ALDH1L1: variants seen among roughly 807,000 people sequenced by gnomAD.
ALDH1L1 encodes aldehyde dehydrogenase 1 family member L1.
ALDH1L1 carries 68 observed loss-of-function variants against 101.1 expected under a neutral mutation model. The ratio of observed to expected loss-of-function variants is 0.67; its 90% CI spans 0.55 to 0.82. The LOEUF (loss-of-function observed/expected upper bound fraction) is 0.82, where lower values mean the gene tolerates loss of function less well. Ranked by LOEUF, ALDH1L1 falls within the 40% of genes least tolerant of loss-of-function variation. The probability of loss-of-function intolerance (pLI) is 0.00; values close to 1 mark genes in which losing one functional copy is unlikely to be tolerated. For missense variants in ALDH1L1, 1,087 were observed against 1,172.7 expected (o/e 0.93, Z 1.07); for synonymous variants, 486 against 470.8 (o/e 1.03, Z -0.42).
At position 126,103,783 on chromosome 3, in the gene ALDH1L1, A is replaced by G; in HGVS notation, c.*8T>C. The G allele has an allele frequency of 6.2e-7, 1 of 1,612,992 alleles. No homozygotes were observed. The highest frequency in any genetic ancestry group is 8.5e-7 in the Non-Finnish European group (1 of 1,179,572). ...GGGCAGGGACTTTCTTCTCACAAAG[A>G]CCTTTCTTCAGTATTCGAAGGTCAC... On this transcript the variant is annotated 3_prime_UTR_variant, in exon 23 of 23. Transcript: ENST00000393434.
At chr3:126,111,795 A>G (rs1418210693) in intron 19 of ALDH1L1, among the ~76,000 whole-genome samples, 4 of 151,984 alleles carry the variant, frequency 2.6e-5, no homozygotes, top group South Asian at 2.1e-4. Flanking sequence ...GCCACTATCC[A>G]CTGGGATTAG....
At chr3:126,186,651 C>T (rs560935532) in intron 1 of ALDH1L1, among the ~76,000 whole-genome samples, 3 of 150,604 alleles carry the variant, frequency 2.0e-5, no homozygotes, top group Admixed American at 6.6e-5. Flanking sequence ...TCCCTCACCT[C>T]ATGTCCTTCC....
intron 1 of ALDH1L1, among the ~76,000 whole-genome samples, chr3:126,186,919 G>C (rs2081522409): frequency 6.6e-6 from 1 of 152,204 alleles, no homozygotes; most frequent in African/African-American, 2.4e-5. Flanking sequence ...CTGGAGATCA[G>C]CAGTAGCACC....
intron 1 of ALDH1L1, among the ~76,000 whole-genome samples, chr3:126,168,401 T>C (rs1466586562): frequency 6.6e-6 from 1 of 152,100 alleles, no homozygotes; most frequent in Non-Finnish European, 1.5e-5. Flanking sequence ...TCATTAAAAT[T>C]AAAGTTAACA....
intron 13 of ALDH1L1, among the ~76,000 whole-genome samples, chr3:126,130,928 A>G (rs2108235305): frequency 6.6e-6 from 1 of 152,360 alleles, no homozygotes; most frequent in South Asian, 2.1e-4. Context: ...CCATGAGCCC[A>G]GAATAACTGC....
At position 126,125,738 on chromosome 3, in the gene ALDH1L1, G is replaced by A; in HGVS notation, c.1695-17C>T. 6.6e-7 allele frequency: 1 copy of A among 1,506,716 alleles called. No homozygotes were observed. Among genetic ancestry groups the A allele is most frequent in the Non-Finnish European group, 8.9e-7 (1 of 1,118,168 alleles). The allele number at this position is 1,506,716 out of a possible 1,614,324, so 93.3% of individuals were successfully genotyped here. ...CCACAAACCCTGCCACACAAAAGAG[G>A]TTGGCCTTTGTCCTTCTTCTCCACC... is the stretch of plus-strand genomic sequence containing the variant. On this transcript the variant is annotated splice_polypyrimidine_tract_variant and intron_variant, in intron 14 of 22. Coordinates refer to ENST00000393434, the MANE Select transcript of ALDH1L1 (RefSeq NM_012190.4).
upstream of ALDH1L1, among the ~76,000 whole-genome samples, chr3:126,185,350 G>T (rs1032646186): frequency 6.6e-6 from 1 of 152,226 alleles, no homozygotes; most frequent in African/African-American, 2.4e-5. Context: ...GAGGAGGCAG[G>T]GACGGTGTCT....
At chr3:126,186,813 A>G (rs1327397496) in intron 1 of ALDH1L1, among the ~76,000 whole-genome samples, 1 of 152,178 alleles carries the variant, frequency 6.6e-6, no homozygotes, top group African/African-American at 2.4e-5. Context: ...CAGTCAGTGG[A>G]GAGCCCACCT....
At chr3:126,171,026 C>T (rs1309392809) in intron 1 of ALDH1L1, among the ~76,000 whole-genome samples, 2 of 152,138 alleles carry the variant, frequency 1.3e-5, no homozygotes, top group African/African-American at 2.4e-5. Context: ...TGGCTGGGCG[C>T]GGTGGCTCAT....
intron 2 of ALDH1L1, among the ~76,000 whole-genome samples, chr3:126,159,939 A>G (rs985156267): frequency 5.9e-5 from 9 of 152,164 alleles, no homozygotes; most frequent in African/African-American, 2.2e-4. Flanking sequence ...GGCCAGGCCT[A>G]CAAGCCCCCT....
At chr3:126,175,749 A>C (rs2108334313) in intron 1 of ALDH1L1, among the ~76,000 whole-genome samples, 1 of 152,306 alleles carries the variant, frequency 6.6e-6, no homozygotes, top group East Asian at 1.9e-4. Context: ...CTTAATGGAG[A>C]GAAACTAGAA....
At chr3:126,172,092 C>T (rs1392640519) in intron 1 of ALDH1L1, among the ~76,000 whole-genome samples, 3 of 152,180 alleles carry the variant, frequency 2.0e-5, no homozygotes, top group Admixed American at 2.0e-4. Context: ...CATTCTAACT[C>T]CTAGACAGGT....
chr3:126,163,386 T>A (rs2081102176), intron 1 of ALDH1L1, among the ~76,000 whole-genome samples: 1 of 152,212 alleles, frequency 6.6e-6, no homozygotes, highest in Non-Finnish European at 1.5e-5. Context: ...CATGTTATGA[T>A]GTTGGTTTTA....
intron 4 of ALDH1L1, chr3:126,156,499 C>T (rs1468188854): frequency 6.6e-6 from 1 of 152,592 alleles, no homozygotes; most frequent in East Asian, 1.9e-4. Context: ...GGCCTCCTTC[C>T]CTCCTGCTGC....
At chr3:126,155,774 C>G in intron 4 of ALDH1L1, 1 of 325,406 alleles carries the variant, frequency 3.1e-6, no homozygotes, top group East Asian at 6.2e-5. Flanking sequence ...ATTATATAAA[C>G]TGTAAAGCCC....
At chr3:126,194,480 C>G (rs980555370) in intron 1 of ALDH1L1, among the ~76,000 whole-genome samples, 2 of 152,198 alleles carry the variant, frequency 1.3e-5, no homozygotes, top group African/African-American at 4.8e-5. Flanking sequence ...TATGCTTAAT[C>G]AGTTTAACCA....
At chr3:126,105,434 G>T in intron 22 of ALDH1L1, 1 of 433,410 alleles carries the variant, frequency 2.3e-6, no homozygotes, top group South Asian at 2.1e-5. Flanking sequence ...TCCCTGCTAT[G>T]CAGGTCTGGG....
chr3:126,187,724 G>A (rs2081529046), intron 1 of ALDH1L1, among the ~76,000 whole-genome samples: 1 of 152,130 alleles, frequency 6.6e-6, no homozygotes, highest in African/African-American at 2.4e-5. Context: ...CAGATTCTGA[G>A]CTGGACGAGG....
At position 126,153,641 on chromosome 3, in the gene ALDH1L1, C is replaced by T. The variant is rs2080851371; in HGVS notation, c.721-60G>A. ...GAGAAGAAGCCCCCGAAGCCAGTAG[C>T]CCAGGCAGGTCTGAGCAGGGCTGGG... On this transcript the variant is annotated intron_variant, in intron 6 of 22. Transcript: ENST00000393434. 2.5e-6 allele frequency: 4 copies of T among 1,573,714 alleles called. No individual in the cohort carries two copies. The South Asian group carries it at 4.8e-5, about 19-fold the overall frequency.
Sources: allele counts gnomAD v4.1 joint callset (sites outside exome capture counted in the v4.1 genomes callset), GRCh38; gene constraint gnomAD v4.1.1; transcripts MANE v1.5; gene names NCBI Gene and HGNC (gene_info 2026-07-23, HGNC 2026-07-21).